SENP8: variants seen among roughly 807,000 people sequenced by gnomAD.
SENP8 encodes SUMO peptidase family member, NEDD8 specific.
In SENP8, 10 loss-of-function variants were observed where a neutral mutation model predicts 14.4. The observed-to-expected ratio is 0.69, with a 90% CI of 0.43 to 1.18. The LOEUF is 1.18. Ranked by LOEUF, SENP8 falls within the 50% of genes most tolerant of loss-of-function variation. The probability of loss-of-function intolerance (pLI) is 0.00; values close to 1 mark genes in which losing one functional copy is unlikely to be tolerated. For missense variants in SENP8, 202 were observed against 249.4 expected (o/e 0.81, Z 1.28); for synonymous variants, 94 against 95.5 (o/e 0.98, Z 0.09).
At chr15:72,125,323 C>G (rs1340053219) in intron 1 of SENP8, among the ~76,000 whole-genome samples, 1 of 152,102 alleles carries the variant, frequency 6.6e-6, no homozygotes, top group Non-Finnish European at 1.5e-5. Flanking sequence ...CCTTTGCTAA[C>G]TTGACAGGTA....
chr15:72,118,178 G>C (rs967408641), upstream of SENP8: 1 of 364,584 alleles, frequency 2.7e-6, no homozygotes, highest in Non-Finnish European at 4.9e-6. Context: ...CCTACTGCCA[G>C]CACGGGTCGG....
At chr15:72,125,716 A>G (rs2415133) in intron 1 of SENP8, among the ~76,000 whole-genome samples, 3,478 of 152,206 alleles carry the variant, frequency 0.023, 126 homozygotes, top group African/African-American at 0.081. Context: ...AAAATTTTTT[A>G]TCGCCAAACT....
chr15:72,132,276 T>G (rs1057192001), intron 1 of SENP8, among the ~76,000 whole-genome samples: 1 of 151,958 alleles, frequency 6.6e-6, no homozygotes, highest in East Asian at 1.9e-4. Context: ...CAAGACCAAG[T>G]ACACAGATCC....
In SENP8 at chr15:72,139,858, G is replaced by T; in HGVS notation, c.235G>T (p.Asp79Tyr). The change falls in exon 2 of 2, where the codon GAC becomes TAC. Residue 79 changes from aspartate to tyrosine, a missense_variant. By Grantham distance (160) the Asp-to-Tyr change is radical (BLOSUM62 -3). Transcript: ENST00000340912. ...AEIAMFLEPLDLPNKRVVFLA... is the reference protein window; with the variant it reads ...AEIAMFLEPLYLPNKRVVFLA... The stretch of plus-strand genomic sequence containing the variant: ...GATTGCCATGTTCCTTGAACCACTG[G>T]ACCTCCCCAACAAGAGAGTTGTATT... The T allele has an allele frequency of 1.9e-6, 3 of 1,614,148 alleles. No homozygotes were observed. Among genetic ancestry groups the T allele is most frequent in the Non-Finnish European group, 2.5e-6 (3 of 1,180,040 alleles).
At chr15:72,117,461 T>G (rs1188689578), upstream of SENP8, among the ~76,000 whole-genome samples, 2 of 146,410 alleles carry the variant, frequency 1.4e-5, no homozygotes, top group Admixed American at 6.8e-5. Flanking sequence ...CCGGGGAGGC[T>G]GGAGGGCCGG....
intron 1 of SENP8, among the ~76,000 whole-genome samples, chr15:72,134,174 A>G (rs921565816): frequency 1.3e-5 from 2 of 152,138 alleles, no homozygotes; most frequent in African/African-American, 2.4e-5. Context: ...TCGAACTCCT[A>G]AGCTCAGGCA....
intron 1 of SENP8, chr15:72,139,372 A>AG (rs1024187163): frequency 1.5e-5 from 7 of 462,140 alleles, no homozygotes; most frequent in African/African-American, 1.4e-4. Flanking sequence ...GCTGAAGAGG[A>AG]GGAGGAAAAG....
At chr15:72,123,135 A>G (rs2081183205) in intron 1 of SENP8, among the ~76,000 whole-genome samples, 1 of 152,230 alleles carries the variant, frequency 6.6e-6, no homozygotes, top group Non-Finnish European at 1.5e-5. Flanking sequence ...GAAAAAAATA[A>G]CTTGCCAGGA....
upstream of SENP8, among the ~76,000 whole-genome samples, chr15:72,115,078 A>G (rs1210058445): frequency 6.6e-6 from 1 of 152,238 alleles, no homozygotes; most frequent in Non-Finnish European, 1.5e-5. Flanking sequence ...TAACTAAGGG[A>G]AAACAACTGT....
At chr15:72,135,924 G>A (rs1162643353) in intron 1 of SENP8, among the ~76,000 whole-genome samples, 1 of 152,070 alleles carries the variant, frequency 6.6e-6, no homozygotes, top group Non-Finnish European at 1.5e-5. Context: ...CCGGGTTTTT[G>A]CCAAGCTATA....
At chr15:72,129,912 C>T (rs1176050480) in intron 1 of SENP8, among the ~76,000 whole-genome samples, 1 of 151,858 alleles carries the variant, frequency 6.6e-6, no homozygotes, top group African/African-American at 2.4e-5. Flanking sequence ...TCTGGCCAGG[C>T]ACCATAGCTC....
chr15:72,130,130 C>T (rs1477181655), intron 1 of SENP8, among the ~76,000 whole-genome samples: 1 of 152,114 alleles, frequency 6.6e-6, no homozygotes, highest in Non-Finnish European at 1.5e-5. Flanking sequence ...GCAGAGGTTA[C>T]AGTGAGCTGA....
At position 72,142,462 on chromosome 15, in the gene SENP8, G is replaced by A. The variant is rs576537726; in HGVS notation, c.*2200G>A. 6 of 152,192 alleles carry A rather than the reference G, an allele frequency of 3.9e-5. 1 individual carries two copies. Among genetic ancestry groups the A allele is most frequent in the African/African-American group, 1.4e-4 (6 of 41,506 alleles). 9.4% of individuals were successfully genotyped at this position (152,192 alleles called of 1,614,324 possible). A position where few individuals can be genotyped will look rare whatever the true frequency, so the allele number is the denominator to read the frequency against. On this transcript the variant is annotated 3_prime_UTR_variant, in exon 2 of 2. Coordinates refer to ENST00000340912, the MANE Select transcript of SENP8 (RefSeq NM_145204.4). The stretch of plus-strand genomic sequence containing the variant: ...TTCCCTTCTCTCTTAGAGTCAAAAG[G>A]ATCTATTCTGCAAAATTAATCAAAA...
chr15:72,138,192 A>G (rs186631737), intron 1 of SENP8, among the ~76,000 whole-genome samples: 78 of 152,276 alleles, frequency 5.1e-4, no homozygotes, highest in African/African-American at 1.9e-3. Context: ...TTTAAAATTC[A>G]TGCTTACTGT....
chr15:72,137,284 T>TA (rs979260836), intron 1 of SENP8, among the ~76,000 whole-genome samples: 1 of 148,224 alleles, frequency 6.7e-6, no homozygotes, highest in Non-Finnish European at 1.5e-5. Context: ...ATGCCATCTG[T>TA]AAAAAAGGCG....
upstream of SENP8, chr15:72,118,320 G>A (rs2081085024): frequency 4.5e-6 from 1 of 220,788 alleles, no homozygotes; most frequent in Non-Finnish European, 8.8e-6. Context: ...GGCAGAGCAG[G>A]GAACTCAGCT....
rs1409195128 is a variant in SENP8, at chr15:72,143,089, T to G, written c.*2827T>G. On this transcript the variant is annotated 3_prime_UTR_variant, in exon 2 of 2. Transcript: ENST00000340912. ...GGTGGGCGCCTGTAATCCCAGCTAC[T>G]CAGCAGGCTGAGGCAGGAGAATCAC... The G allele has an allele frequency of 6.6e-6, 1 of 151,824 alleles. No homozygotes were observed. The highest frequency in any genetic ancestry group is 1.5e-5 in the Non-Finnish European group (1 of 68,102). The allele number at this position is 151,824 out of a possible 1,614,324, so 9.4% of individuals were successfully genotyped here. A position where few individuals can be genotyped will look rare whatever the true frequency, so the allele number is the denominator to read the frequency against.
At position 72,139,566 on chromosome 15, in the gene SENP8, T is replaced by TTGTC; in HGVS notation, c.-47-9_-47-6dup. ...AGTCAGGTATTTATTGACAATAATATTGTCTTCTAGCTCTTGTTCAGCTTC... is the reference window on the plus strand; with the variant it reads ...AGTCAGGTATTTATTGACAATAATATTGTCTGTCTTCTAGCTCTTGTTCAGCTTC... On this transcript the variant is annotated splice_polypyrimidine_tract_variant and intron_variant, in intron 1 of 1. Transcript: ENST00000340912. 1 of 1,552,588 alleles carries TTGTC rather than the reference T, an allele frequency of 6.4e-7. No individual in the cohort carries two copies. The highest frequency in any genetic ancestry group is 1.2e-5 in the South Asian group (1 of 80,298).
intron 1 of SENP8, among the ~76,000 whole-genome samples, chr15:72,132,178 G>T (rs1033131496): frequency 6.6e-6 from 1 of 152,148 alleles, no homozygotes; most frequent in African/African-American, 2.4e-5. Context: ...TGTTTGGTAA[G>T]ATTTTACAAA....
Sources: gnomAD v4.1 joint callset for allele counts (sites outside exome capture counted in the v4.1 genomes callset) on GRCh38, gnomAD v4.1.1 for gene constraint, MANE v1.5 for transcripts, NCBI Gene and HGNC (gene_info 2026-07-23, HGNC 2026-07-21) for gene names.